RALY: variants seen among roughly 807,000 people sequenced by gnomAD.
RALY encodes RNA-binding protein Raly.
RALY carries 15 observed loss-of-function variants against 30.7 expected under a neutral mutation model. The observed-to-expected ratio is 0.49, with a 90% CI of 0.33 to 0.75. The LOEUF is 0.75. Ranked by LOEUF, RALY falls within the 30% of genes least tolerant of loss-of-function variation. RALY has a pLI of 0.02. For synonymous variants in RALY, 177 were observed against 170.8 expected, an observed-to-expected ratio of 1.04 and a Z score of -0.28; for missense variants, 339 against 414.3, an observed-to-expected ratio of 0.82 and a Z score of 1.58.
intron 1 of RALY, among the ~76,000 whole-genome samples, chr20:34,023,407 G>A (rs1041177813): frequency 6.6e-6 from 1 of 152,150 alleles, no homozygotes; most frequent in African/African-American, 2.4e-5. Context: ...GAGAGCCATG[G>A]CTTAAACCTA....
rs2034043509 is a variant in RALY, at chr20:34,082,399, C to CTA, written c.*2498_*2499dup. On this transcript the variant is annotated 3_prime_UTR_variant, in exon 10 of 10. Coordinates refer to ENST00000246194, the MANE Select transcript of RALY (RefSeq NM_016732.3). ...TAGGCACTGCCCCCAGAGCCTAGTG[C>CTA]TATATGCCTGCTGCAGGTCCTACCC... The CTA allele has an allele frequency of 6.6e-6, 1 of 152,210 alleles. No individual in the cohort carries two copies. 9.4% of individuals were successfully genotyped at this position (152,210 alleles called of 1,614,324 possible).
In RALY at chr20:34,076,907, C is replaced by G; in HGVS notation, c.658+92C>G. The G allele has an allele frequency of 2.5e-6, 4 of 1,583,792 alleles. No homozygotes were observed. The South Asian group carries it at 4.6e-5, about 18-fold the overall frequency. On this transcript the variant is annotated intron_variant, in intron 7 of 9. Transcript: ENST00000246194. ...ACATGGGAGAGAGGAGCTAGGGTGG[C>G]CCTGCAGATCCTGGACCACCTGCAC...
At chr20:34,018,054 T>C (rs564324975) in intron 1 of RALY, among the ~76,000 whole-genome samples, 1 of 152,326 alleles carries the variant, frequency 6.6e-6, no homozygotes, top group East Asian at 1.9e-4. Context: ...GGAAGGGCAC[T>C]CCAGACCAGG....
chr20:34,079,169 C>T (rs2033976272), intron 9 of RALY, among the ~76,000 whole-genome samples: 1 of 152,142 alleles, frequency 6.6e-6, no homozygotes, highest in South Asian at 2.1e-4. Flanking sequence ...GAGGAAATGC[C>T]CTGTGTGACA....
intron 1 of RALY, among the ~76,000 whole-genome samples, chr20:34,000,751 C>T (rs927226000): frequency 5.3e-5 from 8 of 152,154 alleles, no homozygotes; most frequent in African/African-American, 1.7e-4. Flanking sequence ...AGGGAGTGCT[C>T]TACTAACTAA....
In RALY at chr20:34,077,058, CCGGCGGCGGCGGCGGTGGTGGTGG is replaced by C. The variant is rs1568700500; in HGVS notation, c.691_714del (p.Gly231_Gly238del). 1 of 1,589,162 alleles carries C rather than the reference CCGGCGGCGGCGGCGGTGGTGGTGG, an allele frequency of 6.3e-7. No homozygotes were observed. Among genetic ancestry groups the C allele is most frequent in the South Asian group, 1.1e-5 (1 of 89,622 alleles). ...AAGAAGAAGGGTGATGGAGGTGGCG[CCGGCGGCGGCGGCGGTGGTGGTGG>C]CAGCGGTGGCGGTGGCAGTGGTGGT... On this transcript the variant is annotated inframe_deletion, in exon 8 of 10. Transcript: ENST00000246194.
chr20:34,051,871 C>A (rs2033090075), intron 2 of RALY, among the ~76,000 whole-genome samples: 1 of 152,214 alleles, frequency 6.6e-6, no homozygotes, highest in Non-Finnish European at 1.5e-5. Flanking sequence ...TCCCAAAGTG[C>A]TGGGATTACA....
chr20:34,072,384 C>T (rs10485504), intron 3 of RALY, 54 bp downstream of exon 3: 101,912 of 1,553,412 alleles, frequency 0.066, 3,527 homozygotes, highest in Middle Eastern at 0.1. Flanking sequence ...GCTGCTATCA[C>T]TATCCAGTTC....
chr20:34,076,256 A>G (rs2122316834), intron 6 of RALY: 1 of 639,874 alleles, frequency 1.6e-6, no homozygotes, highest in East Asian at 2.9e-5. Flanking sequence ...AGTGCTGGAT[A>G]TGGTGCCCAG....
At chr20:34,053,000 A>T (rs2033127585) in intron 2 of RALY, among the ~76,000 whole-genome samples, 1 of 152,038 alleles carries the variant, frequency 6.6e-6, no homozygotes, top group Non-Finnish European at 1.5e-5. Context: ...CTTGCATTTT[A>T]CTAAGCCCTC....
chr20:34,005,014 A>T (rs1221523449), intron 1 of RALY, among the ~76,000 whole-genome samples: 1 of 152,142 alleles, frequency 6.6e-6, no homozygotes, highest in African/African-American at 2.4e-5. Context: ...AATGTACCTT[A>T]AATTACCTGG....
At position 34,080,470 on chromosome 20, in the gene RALY, C is replaced by A. The variant is rs1172192526; in HGVS notation, c.*565C>A. On this transcript the variant is annotated 3_prime_UTR_variant, in exon 10 of 10. Transcript: ENST00000246194. ...TGGCTGAAGTGTCAAGCAGTTGTGA[C>A]CCACTTGGTTTACCCCATAGTAGGT... 6.6e-6 allele frequency: 1 copy of A among 152,166 alleles called. No individual in the cohort carries two copies. Among genetic ancestry groups the A allele is most frequent in the African/African-American group, 2.4e-5 (1 of 41,404 alleles). The allele number at this position is 152,166 out of a possible 1,614,324, so 9.4% of individuals were successfully genotyped here.
At chr20:34,000,512 C>T (rs2030864976) in intron 1 of RALY, among the ~76,000 whole-genome samples, 1 of 152,134 alleles carries the variant, frequency 6.6e-6, no homozygotes. Flanking sequence ...GCCTTATTTC[C>T]TCAGTGTTAG....
At chr20:34,019,817 T>G (rs1013242581) in intron 1 of RALY, among the ~76,000 whole-genome samples, 2 of 152,036 alleles carry the variant, frequency 1.3e-5, no homozygotes, top group African/African-American at 4.8e-5. Flanking sequence ...ATCCCAGCAC[T>G]TTGGGAGGCC....
chr20:34,062,707 C>T (rs902678772), intron 2 of RALY, among the ~76,000 whole-genome samples: 4 of 152,238 alleles, frequency 2.6e-5, no homozygotes, highest in Non-Finnish European at 5.9e-5. Flanking sequence ...TGCCTGACTT[C>T]CCTGTGGGAA....
In RALY at chr20:34,032,867, A is replaced by C. The variant is rs748807579; in HGVS notation, c.-10+1263A>C. Among the ~76,000 whole-genome samples the C allele has an allele frequency of 6.2e-4, 95 of 152,044 alleles. 3 individuals are homozygous for C. Among genetic ancestry groups the C allele is most frequent in the Non-Finnish European group, 3.2e-4 (22 of 68,030 alleles). ...TTTCTTATAAAGTTCAAGAAGGCCTACTTACTTAGGGATTCAGAAAGGAGA... is the reference window on the plus strand; with the variant it reads ...TTTCTTATAAAGTTCAAGAAGGCCTCCTTACTTAGGGATTCAGAAAGGAGA... On this transcript the variant is annotated intron_variant, in intron 2 of 9. Coordinates refer to ENST00000246194, the MANE Select transcript of RALY (RefSeq NM_016732.3).
At chr20:34,025,330 C>T (rs1445216390) in intron 1 of RALY, among the ~76,000 whole-genome samples, 3 of 149,888 alleles carry the variant, frequency 2.0e-5, no homozygotes, top group African/African-American at 7.4e-5. Context: ...TTAAGACAAT[C>T]TCAGTCTGTT....
intron 4 of RALY, 77 bp downstream of exon 4, chr20:34,073,712 A>C: frequency 6.5e-7 from 1 of 1,542,622 alleles, no homozygotes; most frequent in Non-Finnish European, 9.0e-7. Context: ...CTGGTGTGAC[A>C]GTGTGCTGAA....
intron 1 of RALY, among the ~76,000 whole-genome samples, chr20:34,011,528 G>T (rs113604906): frequency 0.029 from 4,380 of 152,298 alleles, 97 homozygotes; most frequent in Middle Eastern, 0.044. Context: ...AAGATAGGTG[G>T]TGGTGTCAGG....
Sources: gnomAD v4.1 joint callset for allele counts (sites outside exome capture counted in the v4.1 genomes callset) on GRCh38, gnomAD v4.1.1 for gene constraint, MANE v1.5 for transcripts, NCBI Gene and HGNC (gene_info 2026-07-23, HGNC 2026-07-21) for gene names.